The following ZNF571 variants were observed in gnomAD, a reference collection of about 807,000 sequenced individuals.
The protein encoded by ZNF571 is zinc finger protein 571.
ZNF571 carries 4 observed loss-of-function variants against 7.7 expected under a neutral mutation model. That is an observed-to-expected ratio of 0.52 (90% confidence interval 0.25 to 1.18). The LOEUF is 1.18. Among genes scored for constraint, ZNF571 ranks in the 50% most tolerant of loss-of-function variants. ZNF571 has a pLI of 0.14. For synonymous variants in ZNF571, 251 were observed against 232.4 expected (o/e 1.08, Z -0.73); for missense variants, 704 against 726.9 (o/e 0.97, Z 0.36).
At chr19:37,576,484 A>G (rs2147178796) in intron 3 of ZNF571, among the ~76,000 whole-genome samples, 1 of 152,296 alleles carries the variant, frequency 6.6e-6, no homozygotes. Flanking sequence ...GCCACAGAAA[A>G]CAGCAATGAT....
intron 3 of ZNF571, among the ~76,000 whole-genome samples, chr19:37,568,723 T>TGAATAATAAATAAAAAA (rs1327245813): frequency 1.3e-5 from 2 of 152,112 alleles, no homozygotes; most frequent in Non-Finnish European, 2.9e-5. Flanking sequence ...TTCAATTAAG[T>TGAATAATAAATAAAAAA]AGCAGCTCTT....
chr19:37,591,801 C>T (rs2043876570), intron 1 of ZNF571, among the ~76,000 whole-genome samples: 2 of 152,094 alleles, frequency 1.3e-5, no homozygotes, highest in Non-Finnish European at 2.9e-5. Flanking sequence ...GCCTCGGCCT[C>T]CCAAAGTGTT....
At chr19:37,586,872 A>G (rs925189196) in intron 1 of ZNF571, 127 bp from the exon 2 acceptor site, 20 of 617,826 alleles carry the variant, frequency 3.2e-5, no homozygotes, top group South Asian at 6.2e-5. Flanking sequence ...CACAAACCCA[A>G]TGGAAGCCAG....
Position 37,583,975 on chromosome 19 carries a change from T to C in ZNF571, c.132A>G (p.Ser44=), listed in dbSNP as rs780430763. The C allele has an allele frequency of 1.9e-6, 3 of 1,598,566 alleles. No individual in the cohort carries two copies. Among genetic ancestry groups the C allele is most frequent in the Non-Finnish European group, 2.6e-6 (3 of 1,168,786 alleles). ...VMLENYSNLI[S]LDLESSCVTK... ...TATTACGTAGGATGATCTTACCCAATGAGATCAGGTTGCTGTAGTTCTCCA... is the reference window on the plus strand; with the variant it reads ...TATTACGTAGGATGATCTTACCCAACGAGATCAGGTTGCTGTAGTTCTCCA... Residue 44 remains serine (S), a synonymous_variant, in exon 3 of 4, where the codon TCA becomes TCG. Transcript: ENST00000451802.
intron 1 of ZNF571, among the ~76,000 whole-genome samples, chr19:37,591,477 C>T (rs1235471437): frequency 1.3e-5 from 2 of 152,214 alleles, no homozygotes; most frequent in African/African-American, 2.4e-5. Flanking sequence ...TTGTAGGGCA[C>T]CAACTCATTT....
At chr19:37,593,384 C>A (rs1032949800) in intron 1 of ZNF571, among the ~76,000 whole-genome samples, 1 of 152,100 alleles carries the variant, frequency 6.6e-6, no homozygotes, top group African/African-American at 2.4e-5. Context: ...AAATTTCCCC[C>A]AGAAAGTACA....
intron 1 of ZNF571, among the ~76,000 whole-genome samples, chr19:37,592,165 G>C (rs542533214): frequency 6.6e-6 from 1 of 152,092 alleles, no homozygotes; most frequent in Non-Finnish European, 1.5e-5. Context: ...GGTTGAGGCA[G>C]AAGAACCTTT....
At chr19:37,589,644 T>C (rs1295862150) in intron 1 of ZNF571, among the ~76,000 whole-genome samples, 1 of 151,828 alleles carries the variant, frequency 6.6e-6, no homozygotes, top group East Asian at 1.9e-4. Flanking sequence ...GATCTGGACA[T>C]AATACAAAAA....
rs755942909 is a variant in ZNF571, at chr19:37,565,067, T to G, written c.1361A>C (p.Lys454Thr). Residue 454 changes from lysine (K) to threonine (T), a missense_variant, in exon 4 of 4, where the codon AAG becomes ACG. Transcript: ENST00000451802. Reference protein sequence around the residue: ...EKPFECKECGKAFIRVAYLTQ... With the variant: ...EKPFECKECGTAFIRVAYLTQ... ...AAGATATGCAACACGAATAAAGGCCTTTCCACATTCCTTACATTCAAAGGG... is the reference window on the plus strand; with the variant it reads ...AAGATATGCAACACGAATAAAGGCCGTTCCACATTCCTTACATTCAAAGGG... 6.2e-7 allele frequency: 1 copy of G among 1,613,306 alleles called. No homozygotes were observed. Among genetic ancestry groups the G allele is most frequent in the East Asian group, 2.2e-5 (1 of 44,870 alleles).
At chr19:37,584,921 G>A (rs530586726) in intron 2 of ZNF571, among the ~76,000 whole-genome samples, 105 of 143,414 alleles carry the variant, frequency 7.3e-4, no homozygotes, top group Admixed American at 9.5e-4. Flanking sequence ...CCGAGATTGC[G>A]CCACTGCACT....
At chr19:37,589,790 G>A (rs1020273744) in intron 1 of ZNF571, among the ~76,000 whole-genome samples, 4 of 144,016 alleles carry the variant, frequency 2.8e-5, no homozygotes, top group Non-Finnish European at 4.5e-5. Flanking sequence ...GCTTGAACCC[G>A]GGAGTTGGAG....
chr19:37,591,125 C>T (rs2043856425), intron 1 of ZNF571, among the ~76,000 whole-genome samples: 1 of 152,064 alleles, frequency 6.6e-6, no homozygotes, highest in South Asian at 2.1e-4. Flanking sequence ...CTGAAATGGC[C>T]TAGAATAAAC....
chr19:37,570,328 T>C (rs1369976325), intron 3 of ZNF571, among the ~76,000 whole-genome samples: 1 of 152,198 alleles, frequency 6.6e-6, no homozygotes, highest in Non-Finnish European at 1.5e-5. Context: ...GATTATTTTC[T>C]TCACCTTCTT....
chr19:37,590,834 A>T (rs1288107978), intron 1 of ZNF571, among the ~76,000 whole-genome samples: 1 of 152,224 alleles, frequency 6.6e-6, no homozygotes, highest in Non-Finnish European at 1.5e-5. Context: ...AACCAAATGT[A>T]ATCCATGAAC....
chr19:37,577,542 T>G (rs1600498655), intron 3 of ZNF571, among the ~76,000 whole-genome samples: 1 of 152,192 alleles, frequency 6.6e-6, no homozygotes, highest in Non-Finnish European at 1.5e-5. Flanking sequence ...CCTTTATACC[T>G]TTTATGTAAT....
At chr19:37,588,744 C>T (rs936240845) in intron 1 of ZNF571, among the ~76,000 whole-genome samples, 11 of 152,088 alleles carry the variant, frequency 7.2e-5, no homozygotes, top group Non-Finnish European at 1.6e-4. Flanking sequence ...TTGGATACTG[C>T]ATATGAATAG....
chr19:37,573,662 T>G, intron 3 of ZNF571, among the ~76,000 whole-genome samples: 1 of 136,210 alleles, frequency 7.3e-6, no homozygotes, highest in South Asian at 2.4e-4. Context: ...ACAGACCTTG[T>G]GTCTACAAAA....
chr19:37,582,155 C>T (rs117093286), intron 3 of ZNF571, among the ~76,000 whole-genome samples: 5 of 152,232 alleles, frequency 3.3e-5, no homozygotes, highest in Non-Finnish European at 7.4e-5. Flanking sequence ...AATTCACTGT[C>T]CCACTCTAGT....
Position 37,565,091 on chromosome 19 carries a change from G to A in ZNF571, c.1337C>T (p.Pro446Leu). Residue 446 changes from proline (P) to leucine (L), a missense_variant, in exon 4 of 4, where the codon CCC becomes CTC. Pro to Leu is a moderately conservative substitution (Grantham distance 98). Transcript: ENST00000451802. ...EHQRIHTGEK[P>L]FECKECGKAF... ...CTTTCCACATTCCTTACATTCAAAG[G>A]GTTTCTCACCTGTATGAATTCTCTG... 2 of 1,613,092 alleles carry A rather than the reference G, an allele frequency of 1.2e-6. No individual in the cohort carries two copies. Among genetic ancestry groups the A allele is most frequent in the Non-Finnish European group, 1.7e-6 (2 of 1,179,430 alleles).
Sources: allele counts gnomAD v4.1 joint callset (sites outside exome capture counted in the v4.1 genomes callset), GRCh38; gene constraint gnomAD v4.1.1; transcripts MANE v1.5; gene names NCBI Gene and HGNC (gene_info 2026-07-23, HGNC 2026-07-21).